THNSL1: variants seen among roughly 807,000 people sequenced by gnomAD.
THNSL1 encodes the protein threonine synthase-like 1.
Under a neutral mutation model 50.4 loss-of-function variants are expected in THNSL1, and 48 were observed. The observed-to-expected ratio is 0.95, with a 90% CI of 0.76 to 1.21. THNSL1 has a LOEUF of 1.21. Among genes scored for constraint, THNSL1 ranks in the 50% most tolerant of loss-of-function variants. THNSL1 has a pLI of 0.00. For synonymous variants in THNSL1, 309 were observed against 306.1 expected (o/e 1.01, Z -0.10); for missense variants, 896 against 871.7 (o/e 1.03, Z -0.35).
rs1464437982 is a variant in THNSL1, at chr10:25,024,042, A to C, written c.819A>C (p.Pro273=). ...GGLFVPAKEF[P]KLSCGEWKSL... ...TCTTTGTTCCTGCAAAGGAGTTTCCAAAATTAAGCTGCGGGGAGTGGAAAA... is the reference window on the plus strand; with the variant it reads ...TCTTTGTTCCTGCAAAGGAGTTTCCCAAATTAAGCTGCGGGGAGTGGAAAA... The change falls in exon 3 of 3, where the codon CCA becomes CCC. Residue 273 remains proline (P), a synonymous_variant. Transcript: ENST00000376356. 6.2e-7 allele frequency: 1 copy of C among 1,614,212 alleles called. No individual in the cohort carries two copies. The highest frequency in any genetic ancestry group is 8.5e-7 in the Non-Finnish European group (1 of 1,180,032).
At chr10:24,952,447 C>A in the THNSL1 span, 1 of 1,464,724 alleles carries the variant, frequency 6.8e-7, no homozygotes, top group Non-Finnish European at 9.3e-7. This position sits in a 1 kb window ranked among gnomAD's most constrained non-coding sequence, Gnocchi z 5.1. Context: ...CCCCGACGCA[C>A]GGCAAGCATT....
At chr10:25,001,290 T>G in the THNSL1 span, among the ~76,000 whole-genome samples, 1 of 151,414 alleles carries the variant, frequency 6.6e-6, no homozygotes, top group African/African-American at 2.4e-5. Flanking sequence ...ATAATTTTTC[T>G]TTTTTTTCCT....
the THNSL1 span, among the ~76,000 whole-genome samples, chr10:24,972,838 G>A: frequency 6.6e-6 from 1 of 152,140 alleles, no homozygotes; most frequent in Non-Finnish European, 1.5e-5. Flanking sequence ...TGAATATAAG[G>A]ATATTTTAGG....
chr10:24,955,597 A>G, the THNSL1 span, among the ~76,000 whole-genome samples: 2 of 152,220 alleles, frequency 1.3e-5, no homozygotes, highest in African/African-American at 2.4e-5. Flanking sequence ...GTAAAAATGT[A>G]TGACCAAATG....
chr10:24,966,325 AC>A, the THNSL1 span, among the ~76,000 whole-genome samples: 3 of 152,226 alleles, frequency 2.0e-5, no homozygotes, highest in African/African-American at 7.2e-5. Context: ...TAAAGGAGAG[AC>A]CCCAATGTGT....
chr10:25,017,168 G>A (rs1850616344), intron 1 of THNSL1, among the ~76,000 whole-genome samples: 1 of 152,232 alleles, frequency 6.6e-6, no homozygotes, highest in Non-Finnish European at 1.5e-5. Context: ...TAAACTAAGA[G>A]GAGAAGCCTT....
chr10:24,953,087 G>A, the THNSL1 span, among the ~76,000 whole-genome samples: 1 of 152,016 alleles, frequency 6.6e-6, no homozygotes, highest in Non-Finnish European at 1.5e-5. Flanking sequence ...AAGCGTGAAA[G>A]AGCCTGTGAG....
Position 25,024,331 on chromosome 10 carries a change from T to A in THNSL1, c.1108T>A (p.Cys370Ser). ...TTTTGCACACTGTATCCCACCAAGT[T>A]GCAATTATATGATACTTGTAGCTAC... ...HIFAHCIPPS[C>S]NYMILVATSG... Residue 370 changes from cysteine to serine, a missense_variant, in exon 3 of 3, where the codon TGC (cysteine) becomes AGC (serine). Coordinates refer to ENST00000376356, the MANE Select transcript of THNSL1 (RefSeq NM_024838.5). 1 of 1,614,204 alleles carries A rather than the reference T, an allele frequency of 6.2e-7. No homozygotes were observed. Among genetic ancestry groups the A allele is most frequent in the Non-Finnish European group, 8.5e-7 (1 of 1,180,034 alleles).
chr10:24,997,617 G>C, the THNSL1 span, among the ~76,000 whole-genome samples: 1 of 151,830 alleles, frequency 6.6e-6, no homozygotes, highest in African/African-American at 2.4e-5. Flanking sequence ...TCGTACTCCT[G>C]GGCTAAAGCA....
Position 25,023,830 on chromosome 10 carries a change from T to C in THNSL1, c.607T>C (p.Cys203Arg). 1.9e-6 allele frequency: 3 copies of C among 1,614,230 alleles called. No homozygotes were observed. The highest frequency in any genetic ancestry group is 2.5e-6 in the Non-Finnish European group (3 of 1,180,030). Residue 203 changes from cysteine to arginine, a missense_variant, in exon 3 of 3, where the codon TGT (cysteine) becomes CGT (arginine). Physicochemically the swap from Cys to Arg is radical, Grantham distance 180. Transcript: ENST00000376356. ...GAAGTGGTATGATGCTCGTGTTTTC[T>C]GTGAAAGTGGGGCTTCCCCAGAGGA... ...YKKWYDARVF[C>R]ESGASPEEVA...
At chr10:24,968,090 A>T in the THNSL1 span, among the ~76,000 whole-genome samples, 2 of 151,916 alleles carry the variant, frequency 1.3e-5, no homozygotes, top group Non-Finnish European at 2.9e-5. Flanking sequence ...TGCTGCAAAG[A>T]GTGCAAAATA....
At chr10:24,969,998 C>A in the THNSL1 span, among the ~76,000 whole-genome samples, 1 of 152,208 alleles carries the variant, frequency 6.6e-6, no homozygotes, top group South Asian at 2.1e-4. Context: ...GTTGTTGCTC[C>A]CCCATGAGAG....
chr10:24,983,127 A>T, the THNSL1 span: 1 of 152,236 alleles, frequency 6.6e-6, no homozygotes, highest in African/African-American at 2.4e-5. Context: ...TCCCTGAGTG[A>T]CTGCATGGAA....
chr10:24,980,986 C>T, the THNSL1 span, among the ~76,000 whole-genome samples: 13,662 of 152,214 alleles, frequency 0.09, 848 homozygotes, highest in Non-Finnish European at 0.14. Context: ...CTCCCAAAGT[C>T]TGGGATTACA....
the THNSL1 span, among the ~76,000 whole-genome samples, chr10:24,967,995 A>ATGTGTGTGTGTGTGTG: frequency 2.4e-4 from 34 of 139,772 alleles, no homozygotes; most frequent in African/African-American, 8.6e-4. Flanking sequence ...TATGTGTATG[A>ATGTGTGTGTGTGTGTG]TGTGTGTGTG....
the THNSL1 span, among the ~76,000 whole-genome samples, chr10:25,003,941 T>G: frequency 1.3e-5 from 2 of 152,246 alleles, no homozygotes; most frequent in African/African-American, 4.8e-5. Flanking sequence ...GGTTTCATGT[T>G]CCTGTGTTAG....
the THNSL1 span, chr10:24,984,380 C>CGG: frequency 8.1e-7 from 1 of 1,237,302 alleles, no homozygotes; most frequent in South Asian, 1.9e-5. Context: ...TCATGCGCTG[C>CGG]AGAAAAAAAA....
chr10:24,970,318 T>A, the THNSL1 span, among the ~76,000 whole-genome samples: 25 of 152,340 alleles, frequency 1.6e-4, no homozygotes, highest in Non-Finnish European at 3.2e-4. Context: ...AAGCATTGGT[T>A]GGGAGTCAAA....
chr10:24,959,357 A>G, the THNSL1 span, among the ~76,000 whole-genome samples: 2 of 152,202 alleles, frequency 1.3e-5, no homozygotes, highest in African/African-American at 4.8e-5. Context: ...TTGCCAGGTT[A>G]TGGGTTGCAT....
Sources: allele counts gnomAD v4.1 joint callset (sites outside exome capture counted in the v4.1 genomes callset), GRCh38; gene constraint gnomAD v4.1.1; non-coding constraint Gnocchi (gnomAD v3.1); transcripts MANE v1.5; gene names NCBI Gene and HGNC (gene_info 2026-07-23, HGNC 2026-07-21).